ANKRD7: variants seen among roughly 807,000 people sequenced by gnomAD.
The protein encoded by ANKRD7 is ankyrin repeat domain-containing protein 7.
A neutral mutation model predicts 30.8 loss-of-function variants in ANKRD7; 30 were observed. The ratio of observed to expected loss-of-function variants is 0.97; its 90% CI spans 0.73 to 1.32. The LOEUF (loss-of-function observed/expected upper bound fraction) is 1.32, where lower values mean the gene tolerates loss of function less well. Among genes scored for constraint, ANKRD7 ranks in the 40% most tolerant of loss-of-function variants. The pLI is 0.00. For missense variants in ANKRD7, 264 were observed against 295.7 expected (o/e 0.89, Z 0.79); for synonymous variants, 97 against 106.6 (o/e 0.91, Z 0.55).
At chr7:118,228,714 A>C (rs1485886669) in intron 1 of ANKRD7, among the ~76,000 whole-genome samples, 2 of 152,144 alleles carry the variant, frequency 1.3e-5, no homozygotes, top group Non-Finnish European at 2.9e-5. Flanking sequence ...TAATTCCTTC[A>C]CATCCATTTG....
rs1167849134 is a variant in ANKRD7, at chr7:118,234,345, T to C, written c.180-86T>C. 3 of 744,056 alleles carry C rather than the reference T, an allele frequency of 4.0e-6. No individual in the cohort carries two copies. The Admixed American group carries it at 8.3e-5, about 21-fold the overall frequency. 46.1% of individuals were successfully genotyped at this position (744,056 alleles called of 1,614,324 possible). A position where few individuals can be genotyped will look rare whatever the true frequency, so the allele number is the denominator to read the frequency against. On this transcript the variant is annotated intron_variant, in intron 1 of 6. Transcript: ENST00000265224. ...GCATGAAGCAAGTACCTTACCAATG[T>C]ACAATCTGGCTTGTTTTTGGGTAAA... is the stretch of plus-strand genomic sequence containing the variant.
intron 5 of ANKRD7, among the ~76,000 whole-genome samples, chr7:118,238,514 G>A (rs749748780): frequency 7.2e-5 from 11 of 152,110 alleles, no homozygotes; most frequent in Non-Finnish European, 1.3e-4. Flanking sequence ...AGTAGCTGTT[G>A]CCTATGTAAC....
intron 4 of ANKRD7, 140 bp downstream of exon 4, chr7:118,236,287 AC>A: frequency 1.9e-6 from 1 of 512,906 alleles, no homozygotes; most frequent in Admixed American, 3.7e-5. Flanking sequence ...GAACCATAAG[AC>A]CCGTAGGATG....
At position 118,229,595 on chromosome 7, in the gene ANKRD7, A is replaced by G. The variant is rs150702409; in HGVS notation, c.179+4586A>G. Reference sequence around the variant, plus strand: ...TACTATTCAGCAATAAATGCAATGAATTATGGATATATGCAAAAATATGGG... The same window carrying G: ...TACTATTCAGCAATAAATGCAATGAGTTATGGATATATGCAAAAATATGGG... On this transcript the variant is annotated intron_variant, in intron 1 of 6. Transcript: ENST00000265224. Among the ~76,000 whole-genome samples, 583 of 152,296 alleles carry G rather than the reference A, an allele frequency of 3.8e-3. 6 individuals are homozygous for G. The highest frequency in any genetic ancestry group is 0.014 in the African/African-American group (562 of 41,580).
intron 5 of ANKRD7, among the ~76,000 whole-genome samples, chr7:118,238,836 A>G (rs1809776962): frequency 6.6e-6 from 1 of 152,128 alleles, no homozygotes; most frequent in South Asian, 2.1e-4. Context: ...TTACTATTAA[A>G]CCTGAGAGCT....
chr7:118,236,866 T>C lies in ANKRD7; in HGVS notation c.652T>C (p.Cys218Arg). Reference sequence around the variant, plus strand: ...TCTTCTTCAGCAAGGTGTGGAATTATGTTACGAAGGTATTGTGGATTCACA... The same window carrying C: ...TCTTCTTCAGCAAGGTGTGGAATTACGTTACGAAGGTATTGTGGATTCACA... ...KLLLQQGVEL[C>R]YEGIVDSQLR... Residue 218 changes from cysteine to arginine, a missense_variant, in exon 5 of 7, where the codon TGT becomes CGT. Physicochemically the swap from Cys to Arg is radical, Grantham distance 180. Transcript: ENST00000265224. 2 of 1,614,088 alleles carry C rather than the reference T, an allele frequency of 1.2e-6. No individual in the cohort carries two copies. The highest frequency in any genetic ancestry group is 2.2e-5 in the East Asian group (1 of 44,876).
chr7:118,238,633 T>C (rs1809774200), intron 5 of ANKRD7, among the ~76,000 whole-genome samples: 1 of 152,206 alleles, frequency 6.6e-6, no homozygotes, highest in Non-Finnish European at 1.5e-5. Context: ...TTTAAAAAAT[T>C]AGTGAAACAC....
chr7:118,236,157 A>G lies in ANKRD7; in HGVS notation c.575+10A>G, dbSNP rs1809724869. The G allele has an allele frequency of 6.8e-7, 1 of 1,476,294 alleles. No individual in the cohort carries two copies. Among genetic ancestry groups the G allele is most frequent in the Non-Finnish European group, 9.4e-7 (1 of 1,062,370 alleles). 91.4% of individuals were successfully genotyped at this position (1,476,294 alleles called of 1,614,324 possible). The stretch of plus-strand genomic sequence containing the variant: ...CAGATAATTATCAAAGGTATAATTA[A>G]TAAATAAGATAGCACATAACTAAAG... On this transcript the variant is annotated intron_variant, in intron 4 of 6. Coordinates refer to ENST00000265224, the MANE Select transcript of ANKRD7 (RefSeq NM_019644.4).
chr7:118,241,761 A>G (rs1809851355), intron 6 of ANKRD7, among the ~76,000 whole-genome samples: 1 of 151,212 alleles, frequency 6.6e-6, no homozygotes, highest in African/African-American at 2.4e-5. Context: ...CTGGTCTCGA[A>G]CTCCTGACCT....
At chr7:118,228,261 G>T (rs1354908860) in intron 1 of ANKRD7, among the ~76,000 whole-genome samples, 2 of 152,102 alleles carry the variant, frequency 1.3e-5, no homozygotes, top group South Asian at 4.1e-4. Context: ...CTCTCCTGGT[G>T]AAGAGAGATT....
At chr7:118,241,131 G>A (rs926434857) in intron 6 of ANKRD7, among the ~76,000 whole-genome samples, 13 of 141,324 alleles carry the variant, frequency 9.2e-5, no homozygotes, top group African/African-American at 2.9e-4. Context: ...TCCGCAGTCC[G>A]GCCTGGGCGA....
At chr7:118,231,575 G>T (rs184383339) in intron 1 of ANKRD7, among the ~76,000 whole-genome samples, 54 of 152,160 alleles carry the variant, frequency 3.5e-4, no homozygotes, top group African/African-American at 1.2e-3. Flanking sequence ...CTTAAAAAGG[G>T]CATTCTCATC....
At chr7:118,237,518 AATGAAGT>A in intron 5 of ANKRD7, among the ~76,000 whole-genome samples, 1 of 152,248 alleles carries the variant, frequency 6.6e-6, no homozygotes, top group South Asian at 2.1e-4. Flanking sequence ...TTTACAGCTT[AATGAAGT>A]TAAATAACAT....
At chr7:118,241,910 T>C (rs1393491615) in intron 6 of ANKRD7, among the ~76,000 whole-genome samples, 2 of 152,178 alleles carry the variant, frequency 1.3e-5, no homozygotes. Context: ...TAAATGTCTG[T>C]GCAGCTCTAA....
In ANKRD7 at chr7:118,234,937, A is replaced by G. The variant is rs113225037; in HGVS notation, c.468+63A>G. 1.4e-3 allele frequency: 1,941 copies of G among 1,347,520 alleles called. 3 individuals are homozygous for G. Among genetic ancestry groups the G allele is most frequent in the Non-Finnish European group, 1.4e-3 (1,454 of 1,008,292 alleles). The allele number at this position is 1,347,520 out of a possible 1,614,324, so 83.5% of individuals were successfully genotyped here. The stretch of plus-strand genomic sequence containing the variant: ...AAAGCAACTGAAGAGCATATTTCAG[A>G]TAATTCATCTATGTTGAAATATATG... On this transcript the variant is annotated intron_variant, in intron 3 of 6. Transcript: ENST00000265224.
chr7:118,231,534 A>G (rs889275887), intron 1 of ANKRD7, among the ~76,000 whole-genome samples: 1 of 151,974 alleles, frequency 6.6e-6, no homozygotes, highest in African/African-American at 2.4e-5. Flanking sequence ...CTCACCCTGA[A>G]CTCTAAGTTA....
chr7:118,236,202 G>GTGTGAGTT, intron 4 of ANKRD7, 55 bp downstream of exon 4: 1 of 925,922 alleles, frequency 1.1e-6, no homozygotes, highest in Non-Finnish European at 1.7e-6. Context: ...AGGATTGTGT[G>GTGTGAGTT]TGTGCGTATG....
chr7:118,232,299 A>C (rs1027402810), intron 1 of ANKRD7, among the ~76,000 whole-genome samples: 1 of 152,078 alleles, frequency 6.6e-6, no homozygotes, highest in Non-Finnish European at 1.5e-5. Context: ...TATGTTTTTT[A>C]AAACATTTTG....
At chr7:118,227,193 T>C (rs1233779791) in intron 1 of ANKRD7, among the ~76,000 whole-genome samples, 1 of 152,236 alleles carries the variant, frequency 6.6e-6, no homozygotes, top group Admixed American at 6.5e-5. Flanking sequence ...AAATAGCTCA[T>C]AGCAGTTTAT....
Sources: allele counts gnomAD v4.1 joint callset (sites outside exome capture counted in the v4.1 genomes callset), GRCh38; gene constraint gnomAD v4.1.1; transcripts MANE v1.5; gene names NCBI Gene and HGNC (gene_info 2026-07-23, HGNC 2026-07-21).